The following BAZ1A variants were observed in gnomAD, a reference collection of about 807,000 sequenced individuals.
BAZ1A encodes bromodomain adjacent to zinc finger domain protein 1A.
Under a neutral mutation model 185.2 loss-of-function variants are expected in BAZ1A, and 50 were observed. That is an observed-to-expected ratio of 0.27 (90% CI 0.22 to 0.34). The LOEUF (loss-of-function observed/expected upper bound fraction) is 0.34, where lower values mean the gene tolerates loss of function less well. BAZ1A is among the 10% of genes least tolerant of loss of function. The probability of loss-of-function intolerance (pLI) is 1.00; values close to 1 mark genes in which losing one functional copy is unlikely to be tolerated. For synonymous variants in BAZ1A, 571 were observed against 615.6 expected, an observed-to-expected ratio of 0.93 and a Z score of 1.07; for missense variants, 1,356 against 1,839.9, an observed-to-expected ratio of 0.74 and a Z score of 4.81.
At chr14:34,851,061 G>T (rs1378817690) in intron 3 of BAZ1A, among the ~76,000 whole-genome samples, 1 of 152,112 alleles carries the variant, frequency 6.6e-6, no homozygotes, top group Non-Finnish European at 1.5e-5. Context: ...GCTAGGTACA[G>T]TGGCTCATGC....
intron 21 of BAZ1A, among the ~76,000 whole-genome samples, chr14:34,768,292 C>T (rs984072082): frequency 1.3e-4 from 20 of 152,094 alleles, no homozygotes; most frequent in African/African-American, 4.3e-4. Flanking sequence ...GGACAGGCTT[C>T]TCTAGGGGAC....
chr14:34,753,877 G>A (rs945195314), intron 26 of BAZ1A, among the ~76,000 whole-genome samples, 173 bp from the exon 27 acceptor site: 4 of 152,068 alleles, frequency 2.6e-5, no homozygotes, highest in African/African-American at 9.7e-5. Context: ...TCAGCACTTG[G>A]GAGGCTGAGG....
At chr14:34,790,261 C>G (rs2138628244) in intron 12 of BAZ1A, among the ~76,000 whole-genome samples, 1 of 152,092 alleles carries the variant, frequency 6.6e-6, no homozygotes, top group Admixed American at 6.6e-5. Context: ...CTCAAACTCC[C>G]AGGGTCAAAC....
intron 4 of BAZ1A, among the ~76,000 whole-genome samples, chr14:34,819,863 G>C (rs1207062337): frequency 3.3e-5 from 5 of 152,136 alleles, no homozygotes; most frequent in Non-Finnish European, 7.3e-5. Context: ...CCTCTTAAGT[G>C]GCTATGCCAT....
chr14:34,788,793 T>C (rs1449034571), intron 12 of BAZ1A, among the ~76,000 whole-genome samples: 1 of 152,200 alleles, frequency 6.6e-6, no homozygotes, highest in East Asian at 1.9e-4. Flanking sequence ...TCTGAACAAC[T>C]TGTAGGGTGC....
At position 34,762,201 on chromosome 14, in the gene BAZ1A, G is replaced by T; in HGVS notation, c.3799C>A (p.Gln1267Lys). The T allele has an allele frequency of 6.2e-7, 1 of 1,614,096 alleles. No homozygotes were observed. The highest frequency in any genetic ancestry group is 8.5e-7 in the Non-Finnish European group (1 of 1,179,994). Residue 1267 changes from glutamine to lysine, a missense_variant, in exon 24 of 27, where the codon CAA (glutamine) becomes AAA (lysine). By Grantham distance (53) the Gln-to-Lys change is moderately conservative. Transcript: ENST00000360310. The part of the protein sequence containing the change: ...EVSLPKRGRP[Q>K]VRLPVKTRGK... The stretch of plus-strand genomic sequence containing the variant: ...CTTGTTTTAACTGGCAATCTAACTT[G>T]TGGTCTTCCTCGTTTGGGTAGGCTA...
intron 7 of BAZ1A, among the ~76,000 whole-genome samples, chr14:34,802,096 T>TAA (rs1881602174): frequency 6.6e-6 from 1 of 152,136 alleles, no homozygotes; most frequent in Admixed American, 6.5e-5. Context: ...CTAGATGGTG[T>TAA]AAATATCAAA....
At chr14:34,848,346 C>T (rs2042546885) in intron 3 of BAZ1A, among the ~76,000 whole-genome samples, 1 of 151,988 alleles carries the variant, frequency 6.6e-6, no homozygotes, top group Admixed American at 6.6e-5. Context: ...TGGCTCGTGC[C>T]TGTAATCCCA....
In BAZ1A at chr14:34,810,987, G is replaced by T; in HGVS notation, c.586C>A (p.Pro196Thr). 6.2e-7 allele frequency: 1 copy of T among 1,610,306 alleles called. No individual in the cohort carries two copies. Among genetic ancestry groups the T allele is most frequent in the Non-Finnish European group, 8.5e-7 (1 of 1,178,020 alleles). Reference sequence around the variant, plus strand: ...GACTCATGTAATTCTTTTTTAGTGGGTTGCACTTTATACTTGAATAGTAAG... The same window carrying T: ...GACTCATGTAATTCTTTTTTAGTGGTTTGCACTTTATACTTGAATAGTAAG... ...DPLLFKYKVQ[P>T]TKKELHESAI... Residue 196 changes from proline (P) to threonine (T), a missense_variant, in exon 5 of 27, where the codon CCC becomes ACC. Coordinates refer to ENST00000360310, the MANE Select transcript of BAZ1A (RefSeq NM_013448.3).
chr14:34,861,190 A>C, intron 3 of BAZ1A, among the ~76,000 whole-genome samples: 1 of 152,216 alleles, frequency 6.6e-6, no homozygotes, highest in South Asian at 2.1e-4. Context: ...GCATCCAAAA[A>C]ACAGTTAATA....
Position 34,874,014 on chromosome 14 carries a change from C to T in BAZ1A, c.113+478G>A, listed in dbSNP as rs1258895151. Among the ~76,000 whole-genome samples, 1 of 152,170 alleles carries T rather than the reference C, an allele frequency of 6.6e-6. No individual in the cohort carries two copies. The highest frequency in any genetic ancestry group is 1.5e-5 in the Non-Finnish European group (1 of 68,014). ...CACTCCCGACTGAGAAAACGAAGCC[C>T]AGCCCAGTCGTTTCCTGCCCACCGG... On this transcript the variant is annotated intron_variant, in intron 2 of 26. Coordinates refer to ENST00000360310, the MANE Select transcript of BAZ1A (RefSeq NM_013448.3). This position sits in a 1 kb window ranked among gnomAD's most constrained non-coding sequence, Gnocchi z 4.7.
At chr14:34,806,665 G>T (rs1881871096) in intron 6 of BAZ1A, among the ~76,000 whole-genome samples, 1 of 152,014 alleles carries the variant, frequency 6.6e-6, no homozygotes, top group South Asian at 2.1e-4. Flanking sequence ...TCTAAAACTT[G>T]ACTTTTTCCT....
chr14:34,774,249 T>C (rs1251765454), intron 19 of BAZ1A, 78 bp downstream of exon 19: 4 of 1,197,632 alleles, frequency 3.3e-6, no homozygotes, highest in Non-Finnish European at 4.6e-6. Context: ...GCCTTGTCTA[T>C]GCCATATAAT....
chr14:34,804,719 A>C (rs1357489759), intron 6 of BAZ1A, among the ~76,000 whole-genome samples: 1 of 152,232 alleles, frequency 6.6e-6, no homozygotes, highest in East Asian at 1.9e-4. Flanking sequence ...CTTAAATATG[A>C]AATAAAGCAC....
At chr14:34,865,188 C>T (rs910838875) in intron 2 of BAZ1A, among the ~76,000 whole-genome samples, 55 of 152,172 alleles carry the variant, frequency 3.6e-4, no homozygotes, top group Non-Finnish European at 5.1e-4. Flanking sequence ...TTCAAGGCTA[C>T]GGTGAGCCAC....
chr14:34,780,207 A>C lies in BAZ1A; in HGVS notation c.2215T>G (p.Ser739Ala). Residue 739 changes from serine to alanine, a missense_variant, in exon 17 of 27, where the codon TCA becomes GCA. This residue lies in a region of BAZ1A where 434 missense variants were observed against 561.7 expected (regional missense o/e 0.77). Coordinates refer to ENST00000360310, the MANE Select transcript of BAZ1A (RefSeq NM_013448.3). ...TTACCCCTTCTGCCTCTTTTATGTG[A>C]TCCTGGGTCATCTTCATCTTCAGTG... ...MVTEDEDDPG[S>A]HKRGRRGKRG... 1 of 1,613,614 alleles carries C rather than the reference A, an allele frequency of 6.2e-7. No homozygotes were observed. Among genetic ancestry groups the C allele is most frequent in the Non-Finnish European group, 8.5e-7 (1 of 1,179,802 alleles).
At chr14:34,842,565 T>C (rs1566591644) in intron 3 of BAZ1A, among the ~76,000 whole-genome samples, 1 of 152,216 alleles carries the variant, frequency 6.6e-6, no homozygotes. Flanking sequence ...GAGCGAATGA[T>C]TAAAAGCTTA....
chr14:34,828,116 C>T (rs1192118223), intron 3 of BAZ1A, among the ~76,000 whole-genome samples: 1 of 151,588 alleles, frequency 6.6e-6, no homozygotes, highest in Non-Finnish European at 1.5e-5. Context: ...CATGGAGAAA[C>T]CCTGTCTCTA....
In BAZ1A at chr14:34,841,954, A is replaced by T. The variant is rs554486146; in HGVS notation, c.393-15798T>A. ...ATCCTATCAAGTTTTATTTTAAAAA[A>T]TTTTTTATGTTTTTTAACTTTTTAA... On this transcript the variant is annotated intron_variant, in intron 3 of 26. Coordinates refer to ENST00000360310, the MANE Select transcript of BAZ1A (RefSeq NM_013448.3). Among the ~76,000 whole-genome samples the T allele has an allele frequency of 3.5e-4, 54 of 152,268 alleles. No homozygotes were observed. In the South Asian group the frequency reaches 0.01, roughly 29 times the overall value.
Sources: gnomAD v4.1 joint callset for allele counts (sites outside exome capture counted in the v4.1 genomes callset) on GRCh38, gnomAD v4.1.1 for gene constraint, gnomAD v4.1.1 regional missense constraint, Gnocchi (gnomAD v3.1) non-coding constraint, MANE v1.5 for transcripts, NCBI Gene and HGNC (gene_info 2026-07-23, HGNC 2026-07-21) for gene names.